The following RGS21 variants were observed in gnomAD, a reference collection of about 807,000 sequenced individuals.
RGS21 encodes the protein regulator of G protein signaling 21.
A neutral mutation model predicts 18.7 loss-of-function variants in RGS21; 19 were observed. The ratio of observed to expected loss-of-function variants is 1.01; its 90% confidence interval spans 0.71 to 1.49. The LOEUF (loss-of-function observed/expected upper bound fraction) is 1.49. Among genes scored for constraint, RGS21 ranks in the 40% most tolerant of loss-of-function variants. The pLI is 0.00. For synonymous variants in RGS21, 56 were observed against 57.8 expected (o/e 0.97, Z 0.14); for missense variants, 194 against 176.8 (o/e 1.10, Z -0.55).
chr1:192,329,764 TA>T (rs11442855), intron 1 of RGS21, among the ~76,000 whole-genome samples: 4 of 150,518 alleles, frequency 2.7e-5, no homozygotes, highest in South Asian at 4.2e-4. Context: ...CAGGGAAAAG[TA>T]AAAAAAAAAT....
chr1:192,324,561 G>T lies in RGS21; in HGVS notation c.-61+7456G>T, dbSNP rs534681893. 1.1e-4 allele frequency among the ~76,000 whole-genome samples: 17 copies of T among 151,998 alleles called. No individual in the cohort carries two copies. The South Asian group carries it at 3.1e-3, about 28-fold the overall frequency. On this transcript the variant is annotated intron_variant, in intron 1 of 4. Transcript: ENST00000417209. Reference sequence around the variant, plus strand: ...ATGATTATGTTGCACTTGGAAATCTGCACATAAAACACCAAAAATATTCAC... The same window carrying T: ...ATGATTATGTTGCACTTGGAAATCTTCACATAAAACACCAAAAATATTCAC...
intron 3 of RGS21, among the ~76,000 whole-genome samples, chr1:192,350,435 C>T (rs1659023802): frequency 6.6e-6 from 1 of 152,140 alleles, no homozygotes; most frequent in Admixed American, 6.6e-5. Flanking sequence ...TTTTCTATTT[C>T]TGTAGCCAAT....
intron 1 of RGS21, among the ~76,000 whole-genome samples, chr1:192,320,273 C>T (rs1303965976): frequency 6.6e-6 from 1 of 151,986 alleles, no homozygotes; most frequent in South Asian, 2.1e-4. Flanking sequence ...ACTTGTACCC[C>T]TGAACTTAAA....
chr1:192,337,799 T>C (rs1465525879), intron 1 of RGS21, among the ~76,000 whole-genome samples: 1 of 152,184 alleles, frequency 6.6e-6, no homozygotes, highest in Non-Finnish European at 1.5e-5. Flanking sequence ...TTTAAATGTA[T>C]ACAATACTTT....
At chr1:192,322,296 T>C (rs1378019269) in intron 1 of RGS21, among the ~76,000 whole-genome samples, 2 of 152,040 alleles carry the variant, frequency 1.3e-5, no homozygotes, top group African/African-American at 4.8e-5. Flanking sequence ...ATCAATCTAA[T>C]CAATCAAATT....
At chr1:192,351,332 T>C (rs971057216) in intron 3 of RGS21, among the ~76,000 whole-genome samples, 1 of 152,168 alleles carries the variant, frequency 6.6e-6, no homozygotes, top group African/African-American at 2.4e-5. Context: ...CGAGTTGGCC[T>C]ATATATTTAT....
chr1:192,326,134 C>A (rs558804041), intron 1 of RGS21, among the ~76,000 whole-genome samples: 4 of 152,056 alleles, frequency 2.6e-5, no homozygotes, highest in Admixed American at 1.3e-4. Context: ...TCTCTATGGA[C>A]TAACAAATCT....
intron 2 of RGS21, among the ~76,000 whole-genome samples, chr1:192,344,519 T>C (rs1658920436): frequency 6.6e-6 from 1 of 152,116 alleles, no homozygotes; most frequent in Non-Finnish European, 1.5e-5. Context: ...TGGTATGCAT[T>C]GTAAACATCC....
intron 2 of RGS21, among the ~76,000 whole-genome samples, chr1:192,344,154 G>A (rs1658914030): frequency 6.6e-6 from 1 of 151,854 alleles, no homozygotes; most frequent in Non-Finnish European, 1.5e-5. Flanking sequence ...GCTTTCAGTT[G>A]AGCAGCCAGT....
At chr1:192,351,230 T>A (rs187258178) in intron 3 of RGS21, among the ~76,000 whole-genome samples, 1 of 152,234 alleles carries the variant, frequency 6.6e-6, no homozygotes, top group Non-Finnish European at 1.5e-5. Context: ...GTATTTGTAT[T>A]TGCCTTATGG....
Position 192,345,549 on chromosome 1 carries a change from C to A in RGS21, c.12-1764C>A, listed in dbSNP as rs1658933569. Among the ~76,000 whole-genome samples the A allele has an allele frequency of 2.6e-5, 4 of 152,110 alleles. 1 individual carries two copies. In the South Asian group the frequency reaches 8.3e-4, roughly 32 times the overall value. On this transcript the variant is annotated intron_variant, in intron 2 of 4. Coordinates refer to ENST00000417209, the MANE Select transcript of RGS21 (RefSeq NM_001039152.3). ...CACTGTTCTTGGTGCTAGAAAATAA[C>A]ATTTAGTCCTGTCATCAGATGACTT...
intron 1 of RGS21, among the ~76,000 whole-genome samples, chr1:192,332,016 A>G (rs1658664962): frequency 6.6e-6 from 1 of 152,128 alleles, no homozygotes; most frequent in South Asian, 2.1e-4. Flanking sequence ...TCTTAGACTG[A>G]GGGCTTACCA....
chr1:192,336,928 G>T (rs985418931), intron 1 of RGS21, among the ~76,000 whole-genome samples: 2 of 152,198 alleles, frequency 1.3e-5, no homozygotes, highest in East Asian at 3.9e-4. Context: ...TTTCTATTCA[G>T]AATAGTTTAT....
chr1:192,337,482 A>G (rs1485863750), intron 1 of RGS21, among the ~76,000 whole-genome samples: 6 of 152,096 alleles, frequency 3.9e-5, no homozygotes, highest in African/African-American at 1.4e-4. Context: ...AGCTTTATTA[A>G]TATCTCCCAT....
intron 1 of RGS21, among the ~76,000 whole-genome samples, chr1:192,321,163 C>A (rs1571446562): frequency 1.3e-5 from 2 of 151,812 alleles, no homozygotes; most frequent in South Asian, 4.1e-4. Flanking sequence ...ATATTCATGA[C>A]AAAATTACCC....
chr1:192,341,506 A>G (rs1658861435), intron 1 of RGS21, among the ~76,000 whole-genome samples: 1 of 152,092 alleles, frequency 6.6e-6, no homozygotes, highest in Non-Finnish European at 1.5e-5. Context: ...AAGAAAGCTT[A>G]TTTCCTCACC....
chr1:192,338,462 T>C (rs1282512558), intron 1 of RGS21, among the ~76,000 whole-genome samples: 2 of 152,104 alleles, frequency 1.3e-5, no homozygotes, highest in African/African-American at 4.8e-5. Flanking sequence ...AAACATAATA[T>C]GGGCAAATAA....
At chr1:192,357,122 G>A (rs1659122352) in intron 4 of RGS21, among the ~76,000 whole-genome samples, 1 of 151,802 alleles carries the variant, frequency 6.6e-6, no homozygotes, top group Admixed American at 6.6e-5. Flanking sequence ...GAAAATCCAA[G>A]TCTAGAGGAT....
intron 4 of RGS21, among the ~76,000 whole-genome samples, chr1:192,362,223 T>C (rs1659196368): frequency 6.6e-6 from 1 of 152,198 alleles, no homozygotes; most frequent in Non-Finnish European, 1.5e-5. Flanking sequence ...TGAATTTTTA[T>C]GTGATAAAAG....
Sources: allele counts gnomAD v4.1 joint callset (sites outside exome capture counted in the v4.1 genomes callset), GRCh38; gene constraint gnomAD v4.1.1; transcripts MANE v1.5; gene names NCBI Gene and HGNC (gene_info 2026-07-23, HGNC 2026-07-21).